MMP16: variants seen among roughly 807,000 people sequenced by gnomAD.
The protein encoded by MMP16 is matrix metallopeptidase 16.
In MMP16, 12 loss-of-function variants were observed where a neutral mutation model predicts 67.8. The ratio of observed to expected loss-of-function variants is 0.18; its 90% CI spans 0.11 to 0.29. The LOEUF (loss-of-function observed/expected upper bound fraction) is 0.29, where lower values mean the gene tolerates loss of function less well. MMP16 is among the 10% of genes least tolerant of loss of function. The pLI, the probability that MMP16 is intolerant of heterozygous loss-of-function variation, is 1.00. For synonymous variants in MMP16, 249 were observed against 255.9 expected (o/e 0.97, Z 0.26); for missense variants, 475 against 765.7 (o/e 0.62, Z 4.48).
chr8:88,251,441 T>G (rs1435454777), intron 1 of MMP16, among the ~76,000 whole-genome samples: 5 of 146,780 alleles, frequency 3.4e-5, no homozygotes, highest in Admixed American at 6.8e-5. Flanking sequence ...GCTAGCCATA[T>G]GTAGAAAGCT....
At chr8:88,190,759 G>A (rs1809158191) in intron 2 of MMP16, among the ~76,000 whole-genome samples, 1 of 151,818 alleles carries the variant, frequency 6.6e-6, no homozygotes, top group African/African-American at 2.4e-5. Context: ...TTACCAACTG[G>A]CAACTTGGTA....
chr8:88,281,578 C>T (rs182719356), intron 1 of MMP16, among the ~76,000 whole-genome samples: 27 of 152,256 alleles, frequency 1.8e-4, no homozygotes, highest in Middle Eastern at 3.4e-3. Flanking sequence ...GTGGTCTTTC[C>T]AGTCAGCAAG....
intron 1 of MMP16, among the ~76,000 whole-genome samples, chr8:88,218,219 C>T (rs866204360): frequency 9.9e-5 from 15 of 151,806 alleles, no homozygotes; most frequent in African/African-American, 3.6e-4. Flanking sequence ...TCTTAAAGTA[C>T]AGTAGTGGGA....
intron 4 of MMP16, among the ~76,000 whole-genome samples, chr8:88,128,304 C>A (rs1380207499): frequency 6.6e-6 from 1 of 151,814 alleles, no homozygotes; most frequent in Non-Finnish European, 1.5e-5. Context: ...GAAAAAACTT[C>A]TGATCCTACA....
chr8:88,253,793 G>C (rs745968274), intron 1 of MMP16, among the ~76,000 whole-genome samples: 1 of 151,702 alleles, frequency 6.6e-6, no homozygotes, highest in Non-Finnish European at 1.5e-5. Context: ...CTACAAACTA[G>C]CTAAACAGCA....
chr8:88,220,493 A>G (rs1809664041), intron 1 of MMP16, among the ~76,000 whole-genome samples: 1 of 151,548 alleles, frequency 6.6e-6, no homozygotes, highest in African/African-American at 2.4e-5. Flanking sequence ...AAATTGGCAG[A>G]TCTGGAGAAC....
rs28907590 is a variant in MMP16, at chr8:88,169,843, A to T, written c.405-1870T>A. Among the ~76,000 whole-genome samples, 532 of 152,232 alleles carry T rather than the reference A, an allele frequency of 3.5e-3. 3 individuals are homozygous for T. The highest frequency in any genetic ancestry group is 0.012 in the African/African-American group (517 of 41,546). On this transcript the variant is annotated intron_variant, in intron 3 of 9. Coordinates refer to ENST00000286614, the MANE Select transcript of MMP16 (RefSeq NM_005941.5). ...CAAATAAGGTAGGTCCCCGAAGGCC[A>T]CTCTAAATAGAGTTTGGCTTTTGCT...
At chr8:88,297,933 G>T (rs1811037400) in intron 1 of MMP16, among the ~76,000 whole-genome samples, 1 of 152,068 alleles carries the variant, frequency 6.6e-6, no homozygotes, top group African/African-American at 2.4e-5. Flanking sequence ...AGTCTAGGAA[G>T]AAAACAATTA....
At chr8:88,198,693 C>T (rs1009479187) in intron 1 of MMP16, among the ~76,000 whole-genome samples, 1 of 151,784 alleles carries the variant, frequency 6.6e-6, no homozygotes, top group South Asian at 2.1e-4. Context: ...GTACCATAAG[C>T]ACATCCCCTT....
chr8:88,069,870 C>A (rs974542650), intron 7 of MMP16, among the ~76,000 whole-genome samples: 1 of 152,098 alleles, frequency 6.6e-6, no homozygotes, highest in African/African-American at 2.4e-5. Context: ...ATCTCAGACC[C>A]TTTACAGTTC....
intron 4 of MMP16, among the ~76,000 whole-genome samples, chr8:88,158,941 G>T (rs1457115503): frequency 6.6e-6 from 1 of 152,116 alleles, no homozygotes; most frequent in East Asian, 1.9e-4. Flanking sequence ...CCCATTTCTT[G>T]TTCTTGTCAG....
chr8:88,306,061 G>C (rs538614678), intron 1 of MMP16, among the ~76,000 whole-genome samples: 1 of 151,192 alleles, frequency 6.6e-6, no homozygotes, highest in East Asian at 1.9e-4. Context: ...AAAAAGAAAA[G>C]AGAGAAGAAT....
chr8:88,233,305 T>C (rs1809890970), intron 1 of MMP16, among the ~76,000 whole-genome samples: 1 of 152,132 alleles, frequency 6.6e-6, no homozygotes, highest in Non-Finnish European at 1.5e-5. Context: ...CCTTTCACTT[T>C]ATAGCCCAGT....
chr8:88,076,781 C>A (rs1054425839), intron 6 of MMP16, among the ~76,000 whole-genome samples: 66 of 151,988 alleles, frequency 4.3e-4, no homozygotes, highest in Admixed American at 2.3e-3. Context: ...AATGTATATG[C>A]CAAAATAATT....
chr8:88,211,633 C>T (rs1189611231), intron 1 of MMP16, among the ~76,000 whole-genome samples: 1 of 152,108 alleles, frequency 6.6e-6, no homozygotes, highest in Non-Finnish European at 1.5e-5. Context: ...AGTTCCTCTG[C>T]CTCCTTTTCA....
intron 1 of MMP16, among the ~76,000 whole-genome samples, chr8:88,312,127 G>T (rs1344370402): frequency 6.6e-6 from 1 of 152,060 alleles, no homozygotes; most frequent in Non-Finnish European, 1.5e-5. Context: ...CAGTAAGATG[G>T]ATAAGCAGAC....
At chr8:88,130,213 C>T (rs1394992037) in intron 4 of MMP16, among the ~76,000 whole-genome samples, 2 of 151,632 alleles carry the variant, frequency 1.3e-5, no homozygotes, top group South Asian at 2.1e-4. Context: ...TCAAAATTAG[C>T]GAGGATTAAC....
intron 6 of MMP16, among the ~76,000 whole-genome samples, chr8:88,092,667 A>T (rs976260345): frequency 3.9e-5 from 6 of 151,916 alleles, no homozygotes; most frequent in Non-Finnish European, 7.4e-5. Flanking sequence ...ATTAAATAAG[A>T]AATGAAGATT....
At chr8:88,104,283 A>G (rs1415776400) in intron 6 of MMP16, among the ~76,000 whole-genome samples, 9 of 151,724 alleles carry the variant, frequency 5.9e-5, no homozygotes, top group African/African-American at 9.7e-5. Context: ...ATAAAATCTA[A>G]TATTTTAATA....
Sources: allele counts gnomAD v4.1 joint callset (sites outside exome capture counted in the v4.1 genomes callset), GRCh38; gene constraint gnomAD v4.1.1; transcripts MANE v1.5; gene names NCBI Gene and HGNC (gene_info 2026-07-23, HGNC 2026-07-21).